FLNB: variants seen among roughly 807,000 people sequenced by gnomAD.
The protein encoded by FLNB is filamin B.
In FLNB, 111 loss-of-function variants were observed where a neutral mutation model predicts 250.6. The observed-to-expected ratio is 0.44, with a 90% CI of 0.38 to 0.52. The LOEUF (loss-of-function observed/expected upper bound fraction) is 0.52. Ranked by LOEUF, FLNB falls within the 20% of genes least tolerant of loss-of-function variation. The pLI is 0.00. For synonymous variants in FLNB, 1,302 were observed against 1,372.1 expected (o/e 0.95, Z 1.13); for missense variants, 2,869 against 3,447.8 (o/e 0.83, Z 4.20).
intron 1 of FLNB, among the ~76,000 whole-genome samples, chr3:58,038,146 C>T (rs1359264154): frequency 6.6e-6 from 1 of 152,152 alleles, no homozygotes; most frequent in Non-Finnish European, 1.5e-5. Context: ...TCTCCTGCCT[C>T]AGCCTCCCGA....
At chr3:58,104,198 C>CTTT (rs34703970) in intron 10 of FLNB, 113 bp downstream of exon 10, 30 of 666,272 alleles carry the variant, frequency 4.5e-5, no homozygotes, top group South Asian at 8.2e-5. Flanking sequence ...TTGTTGAAAA[C>CTTT]TTTTTTTTTT....
chr3:58,139,715 T>G (rs2097323209), intron 29 of FLNB, among the ~76,000 whole-genome samples: 1 of 152,234 alleles, frequency 6.6e-6, no homozygotes, highest in Non-Finnish European at 1.5e-5. Context: ...ATGTCCTTAT[T>G]CACAGAGAAG....
chr3:58,115,042 C>T (rs7653042), intron 18 of FLNB, among the ~76,000 whole-genome samples: 73,547 of 152,044 alleles, frequency 0.48, 20,562 homozygotes, highest in East Asian at 0.97. Context: ...GTTATAAACG[C>T]GGCTTCTTAT....
intron 1 of FLNB, among the ~76,000 whole-genome samples, chr3:58,066,318 C>G (rs746710179): frequency 1.5e-4 from 22 of 150,990 alleles, no homozygotes; most frequent in Admixed American, 4.0e-4. Context: ...CTCCTGGGTT[C>G]AAGCTATTCT....
intron 23 of FLNB, 92 bp from the exon 24 acceptor site, chr3:58,126,510 A>C (rs865802569): frequency 2.7e-5 from 33 of 1,240,078 alleles, no homozygotes; most frequent in Middle Eastern, 5.3e-4. Context: ...TACGTGGAAT[A>C]GTTTATAAAG....
chr3:58,105,945 G>A (rs952426773), intron 11 of FLNB, among the ~76,000 whole-genome samples: 3 of 152,148 alleles, frequency 2.0e-5, no homozygotes, highest in Non-Finnish European at 4.4e-5. Flanking sequence ...TATATTCTTA[G>A]TCTAGAGATA....
intron 1 of FLNB, among the ~76,000 whole-genome samples, chr3:58,043,704 G>A (rs1226606815): frequency 6.6e-6 from 1 of 152,158 alleles, no homozygotes; most frequent in East Asian, 1.9e-4. Context: ...AGAAAGGAGA[G>A]TGAGAGTGCT....
intron 1 of FLNB, among the ~76,000 whole-genome samples, chr3:58,069,232 CTTTTT>C (rs59689498): frequency 1.2e-5 from 1 of 86,366 alleles, no homozygotes; most frequent in Non-Finnish European, 2.2e-5. Context: ...TAGTTCAATT[CTTTTT>C]TTTTTTTTTT....
At position 58,045,496 on chromosome 3, in the gene FLNB, T is replaced by C. The variant is rs888722089; in HGVS notation, c.293-31550T>C. On this transcript the variant is annotated intron_variant, in intron 1 of 45. Coordinates refer to ENST00000295956, the MANE Select transcript of FLNB (RefSeq NM_001457.4). ...TTTGTTTTTTAAAGCTCATCAGCTA[T>C]CATTAGTGTTAGTGTATCTTATGTG... Among the ~76,000 whole-genome samples, 4 of 152,334 alleles carry C rather than the reference T, an allele frequency of 2.6e-5. No individual in the cohort carries two copies. The East Asian group carries it at 7.7e-4, about 29-fold the overall frequency.
At chr3:58,115,869 C>T (rs1314686906) in intron 18 of FLNB, among the ~76,000 whole-genome samples, 1 of 152,104 alleles carries the variant, frequency 6.6e-6, no homozygotes, top group Non-Finnish European at 1.5e-5. Flanking sequence ...GCACTGGGGT[C>T]CTTCTTGTTG....
At chr3:58,132,482 G>A in intron 25 of FLNB, 1 of 450,034 alleles carries the variant, frequency 2.2e-6, no homozygotes, top group Non-Finnish European at 4.1e-6. Context: ...CAGCTTGAAA[G>A]GTTATATTGT....
At chr3:58,144,719 T>G (rs1184795542) in intron 32 of FLNB, among the ~76,000 whole-genome samples, 1 of 152,232 alleles carries the variant, frequency 6.6e-6, no homozygotes, top group Non-Finnish European at 1.5e-5. Flanking sequence ...ACACGCCCTC[T>G]GGCCATGGAG....
chr3:58,165,677 G>A (rs2097369095), intron 43 of FLNB: 1 of 152,172 alleles, frequency 6.6e-6, no homozygotes. Flanking sequence ...GACCCTGCTG[G>A]AGGCGGCTTG....
At position 58,170,595 on chromosome 3, in the gene FLNB, G is replaced by A. The variant is rs1411322123; in HGVS notation, c.7642G>A (p.Gly2548Arg). ...SKAGSNMLLI[G>R]VHGPTTPCEE... ...CCTAGGCTCCAACATGCTGCTGATCGGGGTCCATGGGCCCACCACCCCCTG... is the reference window on the plus strand; with the variant it reads ...CCTAGGCTCCAACATGCTGCTGATCAGGGTCCATGGGCCCACCACCCCCTG... The change falls in exon 46 of 46, where the codon GGG becomes AGG. Residue 2548 changes from glycine (G) to arginine (R), a missense_variant. This residue lies in a region of FLNB where 1,084 missense variants were observed against 1,315.5 expected (regional missense o/e 0.82). Transcript: ENST00000295956. 25 of 1,613,978 alleles carry A rather than the reference G, an allele frequency of 1.5e-5. No individual in the cohort carries two copies. The highest frequency in any genetic ancestry group is 2.1e-5 in the Non-Finnish European group (25 of 1,180,030).
At chr3:58,147,117 T>A (rs1426504163) in intron 34 of FLNB, 124 bp downstream of exon 34, 9 of 957,130 alleles carry the variant, frequency 9.4e-6, no homozygotes, top group African/African-American at 1.6e-5. Context: ...TCACAGAGAC[T>A]TGTTGAGGAG....
chr3:58,072,622 G>T (rs556324712), intron 1 of FLNB, among the ~76,000 whole-genome samples: 1 of 152,228 alleles, frequency 6.6e-6, no homozygotes, highest in South Asian at 2.1e-4. Context: ...TCTTTTTATT[G>T]TTCCAAGAGT....
chr3:58,103,262 G>A (rs906322505), intron 9 of FLNB, among the ~76,000 whole-genome samples: 206 of 108,644 alleles, frequency 1.9e-3, no homozygotes, highest in African/African-American at 8.3e-3. Context: ...AGGAGCCAAG[G>A]AGGGTGTGTG....
rs2097217352 is a variant in FLNB at position 58,086,323 on chromosome 3, A to G, written c.787+4547A>G. ...GGCTATTAGGTGTATGTTTAAATCC[A>G]TTTGCTTATATCAGTTACATAACCT... On this transcript the variant is annotated intron_variant, in intron 4 of 45. Coordinates refer to ENST00000295956, the MANE Select transcript of FLNB (RefSeq NM_001457.4). Among the ~76,000 whole-genome samples the G allele has an allele frequency of 1.3e-5, 2 of 151,874 alleles. 1 individual carries two copies. The highest frequency in any genetic ancestry group is 4.1e-4 in the South Asian group (2 of 4,820).
chr3:58,155,191 C>G (rs1239732469), intron 40 of FLNB, among the ~76,000 whole-genome samples: 2 of 152,224 alleles, frequency 1.3e-5, no homozygotes, highest in Non-Finnish European at 2.9e-5. Context: ...TTCCACCAAC[C>G]AGCCTCTGTC....
Sources: gnomAD v4.1 joint callset for allele counts (sites outside exome capture counted in the v4.1 genomes callset) on GRCh38, gnomAD v4.1.1 for gene constraint, gnomAD v4.1.1 regional missense constraint, MANE v1.5 for transcripts, NCBI Gene and HGNC (gene_info 2026-07-23, HGNC 2026-07-21) for gene names.